Variants in LRP1B observed in about 807,000 individuals in gnomAD.
LRP1B encodes LDL receptor related protein 1B.
Under a neutral mutation model 556.6 loss-of-function variants are expected in LRP1B, and 217 were observed. The ratio of observed to expected loss-of-function variants is 0.39; its 90% CI spans 0.35 to 0.44. The LOEUF (loss-of-function observed/expected upper bound fraction) is 0.44. Among genes scored for constraint, LRP1B ranks in the 20% least tolerant of loss-of-function variants. The pLI, the probability that LRP1B is intolerant of heterozygous loss-of-function variation, is 1.00. For missense variants in LRP1B, 5,053 were observed against 5,620.8 expected (o/e 0.90, Z 3.23); for synonymous variants, 2,047 against 1,865.8 (o/e 1.10, Z -2.50).
At chr2:141,678,214 T>C (rs927858461) in intron 2 of LRP1B, among the ~76,000 whole-genome samples, 1 of 152,130 alleles carries the variant, frequency 6.6e-6, no homozygotes, top group African/African-American at 2.4e-5. Flanking sequence ...TGTTTATCTA[T>C]GAAAACAAAC....
At chr2:141,890,725 T>A (rs1699265827) in intron 1 of LRP1B, among the ~76,000 whole-genome samples, 1 of 152,058 alleles carries the variant, frequency 6.6e-6, no homozygotes, top group Non-Finnish European at 1.5e-5. Flanking sequence ...AGGAAAAACA[T>A]CATATTGACC....
chr2:140,847,051 G>C (rs773782597), intron 29 of LRP1B, among the ~76,000 whole-genome samples: 5 of 152,120 alleles, frequency 3.3e-5, no homozygotes, highest in African/African-American at 9.7e-5. Flanking sequence ...TGATTGTTAA[G>C]TTCCTTTATG....
At chr2:141,926,782 C>T (rs906880657) in intron 1 of LRP1B, among the ~76,000 whole-genome samples, 6 of 152,080 alleles carry the variant, frequency 3.9e-5, no homozygotes, top group African/African-American at 7.2e-5. Flanking sequence ...TTTGCTAAAT[C>T]GATCCTGGGG....
intron 4 of LRP1B, among the ~76,000 whole-genome samples, chr2:141,249,082 T>G (rs934294953): frequency 6.6e-6 from 1 of 152,154 alleles, no homozygotes; most frequent in Non-Finnish European, 1.5e-5. Flanking sequence ...ATTTGAGGTG[T>G]CTGTAGGGCA....
chr2:140,536,713 C>T lies in LRP1B; in HGVS notation c.7514-4G>A. On this transcript the variant is annotated splice_region_variant and splice_polypyrimidine_tract_variant and intron_variant, in intron 45 of 90. Coordinates refer to ENST00000389484, the MANE Select transcript of LRP1B (RefSeq NM_018557.3). The stretch of plus-strand genomic sequence containing the variant: ...GCGTTGCAGGAGGAATTTTTAGCTG[C>T]AAGAAAAAAAAAAAAAGTCAATACT... 4 of 1,511,384 alleles carry T rather than the reference C, an allele frequency of 2.6e-6. No individual in the cohort carries two copies. Among genetic ancestry groups the T allele is most frequent in the South Asian group, 1.3e-5 (1 of 75,228 alleles). The allele number at this position is 1,511,384 out of a possible 1,614,324, so 93.6% of individuals were successfully genotyped here.
chr2:141,103,670 C>T (rs1220590209), intron 7 of LRP1B, among the ~76,000 whole-genome samples: 2 of 148,016 alleles, frequency 1.4e-5, no homozygotes, highest in Admixed American at 6.7e-5. Flanking sequence ...CAATTCTTGC[C>T]AATACAACTG....
rs781046864 is a variant in LRP1B at position 141,013,563 on chromosome 2, C to T, written c.2373G>A (p.Lys791=). The change falls in exon 14 of 91, where the codon AAG becomes AAA. Residue 791 remains lysine, a synonymous_variant. Transcript: ENST00000389484. The part of the protein sequence containing the change: ...LFGLQIYDPR[K]QQGDNMCRVN... Reference sequence around the variant, plus strand: ...TAATTTGTTTTTTAATACCTTGTTGCTTTCGTGGATCATAAATCTGAAGCC... The same window carrying T: ...TAATTTGTTTTTTAATACCTTGTTGTTTTCGTGGATCATAAATCTGAAGCC... 6.2e-7 allele frequency: 1 copy of T among 1,605,704 alleles called. No individual in the cohort carries two copies. Among genetic ancestry groups the T allele is most frequent in the African/African-American group, 1.3e-5 (1 of 74,346 alleles).
intron 59 of LRP1B, among the ~76,000 whole-genome samples, chr2:140,484,028 T>C (rs1397223703): frequency 6.6e-6 from 1 of 152,166 alleles, no homozygotes; most frequent in African/African-American, 2.4e-5. Context: ...TAGCCAAATT[T>C]AGTACATCTG....
At chr2:140,901,539 C>T (rs1279865068) in intron 23 of LRP1B, among the ~76,000 whole-genome samples, 1 of 152,132 alleles carries the variant, frequency 6.6e-6, no homozygotes, top group African/African-American at 2.4e-5. Flanking sequence ...GGATATCCAT[C>T]ACCTCAAGCA....
chr2:141,349,520 AT>A (rs1346414718), intron 3 of LRP1B, among the ~76,000 whole-genome samples: 1 of 152,090 alleles, frequency 6.6e-6, no homozygotes. Flanking sequence ...CTAAAACCCT[AT>A]TGATAATTTT....
intron 63 of LRP1B, among the ~76,000 whole-genome samples, chr2:140,445,715 A>G (rs937278733): frequency 8.5e-5 from 13 of 152,154 alleles, no homozygotes; most frequent in African/African-American, 2.9e-4. Context: ...TCACCATAAC[A>G]TTCTCATTTT....
intron 27 of LRP1B, among the ~76,000 whole-genome samples, chr2:140,852,890 A>ATAGAACCTAT (rs1692502108): frequency 6.6e-6 from 1 of 151,788 alleles, no homozygotes; most frequent in African/African-American, 2.4e-5. Context: ...TCTTATTTTT[A>ATAGAACCTAT]TAGAACCTAT....
intron 11 of LRP1B, among the ~76,000 whole-genome samples, chr2:141,028,351 T>C (rs1286496510): frequency 6.6e-6 from 1 of 151,888 alleles, no homozygotes; most frequent in African/African-American, 2.4e-5. Flanking sequence ...AAGGTAGATA[T>C]GTATCTCTTA....
chr2:141,030,495 CAG>C lies in LRP1B; in HGVS notation c.1790-10395_1790-10394del, dbSNP rs1274679138. 2.6e-5 allele frequency among the ~76,000 whole-genome samples: 4 copies of C among 152,110 alleles called. No individual in the cohort carries two copies. The East Asian group carries it at 7.8e-4, about 30-fold the overall frequency. ...AAAATATCAAGGTAATTTGTTTTGA[CAG>C]AAAATATGCACATTCTTCTATGATT... On this transcript the variant is annotated intron_variant, in intron 11 of 90. Transcript: ENST00000389484.
chr2:140,487,838 A>C, intron 57 of LRP1B, 99 bp from the exon 58 acceptor site: 1 of 699,744 alleles, frequency 1.4e-6, no homozygotes, highest in African/African-American at 1.9e-5. Flanking sequence ...TTTGAAACTA[A>C]ATAGTTCTAT....
At chr2:140,776,017 T>C (rs982073875) in intron 33 of LRP1B, 81 bp downstream of exon 33, 3 of 1,173,966 alleles carry the variant, frequency 2.6e-6, no homozygotes, top group Non-Finnish European at 3.6e-6. Context: ...AGAAACCTTT[T>C]ATTGTTGAAT....
Position 140,734,367 on chromosome 2 carries a change from C to A in LRP1B, c.5759-17551G>T, listed in dbSNP as rs148311666. On this transcript the variant is annotated intron_variant, in intron 35 of 90. Coordinates refer to ENST00000389484, the MANE Select transcript of LRP1B (RefSeq NM_018557.3). ...TCAGAATGTGGCACAAGGAATTATG[C>A]TGTTCATTAGAATATGAGGAGAATG... is the stretch of plus-strand genomic sequence containing the variant. Among the ~76,000 whole-genome samples, 347 of 152,254 alleles carry A rather than the reference C, an allele frequency of 2.3e-3. 2 individuals are homozygous for A. Among genetic ancestry groups the A allele is most frequent in the African/African-American group, 7.8e-3 (323 of 41,550 alleles).
At chr2:141,082,990 A>G (rs920595205) in intron 7 of LRP1B, among the ~76,000 whole-genome samples, 2 of 152,232 alleles carry the variant, frequency 1.3e-5, no homozygotes, top group African/African-American at 4.8e-5. Flanking sequence ...ACCTGACCCA[A>G]GAGTAACAAA....
At chr2:142,042,655 C>G (rs532336836) in intron 1 of LRP1B, among the ~76,000 whole-genome samples, 2 of 151,450 alleles carry the variant, frequency 1.3e-5, no homozygotes, top group Non-Finnish European at 3.0e-5. Context: ...GTTCAAAAAG[C>G]CTTTCTCAAT....
Sources: allele counts gnomAD v4.1 joint callset (sites outside exome capture counted in the v4.1 genomes callset), GRCh38; gene constraint gnomAD v4.1.1; transcripts MANE v1.5; gene names NCBI Gene and HGNC (gene_info 2026-07-23, HGNC 2026-07-21).